Variants in EPHB6 observed in about 807,000 individuals in gnomAD.
The protein encoded by EPHB6 is EPH receptor B6, also known as ephrin type-B receptor 6.
Under a neutral mutation model 107.0 loss-of-function variants are expected in EPHB6, and 51 were observed. The observed-to-expected ratio is 0.48, with a 90% CI of 0.38 to 0.60. The LOEUF (loss-of-function observed/expected upper bound fraction) is 0.60. EPHB6 is among the 20% of genes least tolerant of loss of function. EPHB6 has a pLI of 0.00. For synonymous variants in EPHB6, 553 were observed against 549.0 expected, an observed-to-expected ratio of 1.01 and a Z score of -0.10; for missense variants, 1,141 against 1,355.5, an observed-to-expected ratio of 0.84 and a Z score of 2.48.
At chr7:142,863,091 C>A in intron 4 of EPHB6, 36 bp from the exon 5 acceptor site, 1 of 693,262 alleles carries the variant, frequency 1.4e-6, no homozygotes, top group Non-Finnish European at 2.5e-6. Flanking sequence ...ACACTTTCTT[C>A]CCACCTGCCT....
At chr7:142,860,830 G>A (rs1342613121) in intron 1 of EPHB6, among the ~76,000 whole-genome samples, 2 of 152,066 alleles carry the variant, frequency 1.3e-5, no homozygotes, top group African/African-American at 2.4e-5. Context: ...CGCAGTGCCA[G>A]AAAAAAATTA....
At chr7:142,860,978 T>C (rs1180084394) in intron 1 of EPHB6, 74 bp from the exon 2 acceptor site, 1 of 151,318 alleles carries the variant, frequency 6.6e-6, no homozygotes, top group Non-Finnish European at 1.5e-5. Context: ...TCTAATTGGC[T>C]TTTTTTTTGT....
intron 1 of EPHB6, among the ~76,000 whole-genome samples, chr7:142,858,340 TATC>T (rs1802693363): frequency 6.6e-6 from 1 of 151,076 alleles, no homozygotes; most frequent in Non-Finnish European, 1.5e-5. Flanking sequence ...CTCATGAAAA[TATC>T]ATATTTAGCA....
Position 142,869,923 on chromosome 7 carries a change from T to C in EPHB6, c.2567T>C (p.Met856Thr), listed in dbSNP as rs1382566855. Residue 856 changes from methionine (M) to threonine (T), a missense_variant, in exon 17 of 20, where the codon ATG becomes ACG. By Grantham distance (81) the Met-to-Thr change is moderately conservative (BLOSUM62 -1). Coordinates refer to ENST00000652003, the MANE Select transcript of EPHB6 (RefSeq NM_004445.6). The surrounding 1 kb of genome is among the most constrained non-coding windows in gnomAD (Gnocchi z 4.5). The part of the protein sequence containing the change: ...WSFGILMWEV[M>T]SYGERPYWDM... ...TTTGGGATACTCATGTGGGAAGTGATGAGTTATGGAGAACGGCCTTACTGG... is the reference window on the plus strand; with the variant it reads ...TTTGGGATACTCATGTGGGAAGTGACGAGTTATGGAGAACGGCCTTACTGG... The C allele has an allele frequency of 1.2e-6, 2 of 1,614,144 alleles. No individual in the cohort carries two copies. Among genetic ancestry groups the C allele is most frequent in the Admixed American group, 3.3e-5 (2 of 60,022 alleles).
intron 1 of EPHB6, among the ~76,000 whole-genome samples, chr7:142,858,423 C>CTTTTTTTTTTTTT (rs958011230): frequency 8.7e-5 from 5 of 57,580 alleles, no homozygotes; most frequent in African/African-American, 3.8e-4. Flanking sequence ...TTAAGTCATT[C>CTTTTTTTTTTTTT]TTTTTTTTTT....
chr7:142,868,683 C>A lies in EPHB6; in HGVS notation c.2230C>A (p.Pro744Thr). ...RLEGVVTKSR[P>T]LMVLTEFMEL... is the part of the protein sequence containing the mutation. ...GGAGGGCGTGGTCACCAAGAGCCGA[C>A]CCCTCATGGTGCTGACGGAGTTCAT... Residue 744 changes from proline to threonine, a missense_variant, in exon 15 of 20, where the codon CCC becomes ACC. Transcript: ENST00000652003. This position sits in a 1 kb window ranked among gnomAD's most constrained non-coding sequence, Gnocchi z 4.2. The A allele has an allele frequency of 1.2e-6, 2 of 1,613,974 alleles. No homozygotes were observed. The highest frequency in any genetic ancestry group is 1.7e-5 in the Admixed American group (1 of 60,028).
At chr7:142,863,025 T>C (rs1407163082) in intron 4 of EPHB6, 102 bp from the exon 5 acceptor site, 1 of 596,558 alleles carries the variant, frequency 1.7e-6, no homozygotes, top group Non-Finnish European at 3.0e-6. Context: ...TGGAGAGCTG[T>C]AGGAGGAGAC....
At chr7:142,856,096 A>G (rs1475532196) in intron 1 of EPHB6, among the ~76,000 whole-genome samples, 15 of 152,138 alleles carry the variant, frequency 9.9e-5, no homozygotes. Context: ...GCAATGTTGT[A>G]ATGTCCCTGG....
rs916326154 is a variant in EPHB6, at chr7:142,866,802, T to G, written c.1588-104T>G. 2.4e-5 allele frequency: 39 copies of G among 1,594,588 alleles called. No individual in the cohort carries two copies. Among genetic ancestry groups the G allele is most frequent in the Middle Eastern group, 1.7e-4 (1 of 5,832 alleles). On this transcript the variant is annotated intron_variant, in intron 10 of 19. Coordinates refer to ENST00000652003, the MANE Select transcript of EPHB6 (RefSeq NM_004445.6). This position sits in a 1 kb window ranked among gnomAD's most constrained non-coding sequence, Gnocchi z 5.2. ...GCCCAGAAGTGTGCAGCACTGGGCA[T>G]GTGTCTGAGAGCCCTGTCAACCAGG...
At chr7:142,856,683 C>G (rs749925978) in intron 1 of EPHB6, among the ~76,000 whole-genome samples, 2 of 152,134 alleles carry the variant, frequency 1.3e-5, no homozygotes, top group South Asian at 2.1e-4. Context: ...TCCCCGCCCC[C>G]CACTTGGCTC....
At position 142,864,093 on chromosome 7, in the gene EPHB6, G is replaced by A. The variant is rs763788542; in HGVS notation, c.293G>A (p.Arg98His). 43 of 1,613,910 alleles carry A rather than the reference G, an allele frequency of 2.7e-5. No homozygotes were observed. The Admixed American group carries it at 4.3e-4, about 16-fold the overall frequency. ...NWLQTHFVER[R>H]GAQRAHIRLH... is the part of the protein sequence containing the mutation. ...TTGCAGACACACTTTGTGGAGCGGCGCGGGGCCCAGAGGGCGCACATTCGA... is the reference window on the plus strand; with the variant it reads ...TTGCAGACACACTTTGTGGAGCGGCACGGGGCCCAGAGGGCGCACATTCGA... The change falls in exon 7 of 20, where the codon CGC becomes CAC. Residue 98 changes from arginine (R) to histidine (H), a missense_variant. By Grantham distance (29) the Arg-to-His change is conservative. This residue lies in a region of EPHB6 where 221 missense variants were observed against 300.5 expected (regional missense o/e 0.74). Transcript: ENST00000652003.
At chr7:142,857,555 T>C (rs1021671079) in intron 1 of EPHB6, among the ~76,000 whole-genome samples, 6 of 152,220 alleles carry the variant, frequency 3.9e-5, no homozygotes, top group African/African-American at 1.4e-4. Flanking sequence ...CACTGACCTG[T>C]GTGGCTCACA....
Position 142,863,197 on chromosome 7 carries a change from G to A in EPHB6, c.-31G>A, listed in dbSNP as rs1425699170. On this transcript the variant is annotated 5_prime_UTR_variant, in exon 5 of 20. The change creates a premature stop within an existing upstream ORF in the 5' untranslated region. Coordinates refer to ENST00000652003, the MANE Select transcript of EPHB6 (RefSeq NM_004445.6). ...CCCACCCAGGAGCAGGGTGGTGGCT[G>A]GGGCGATGGTGGACGCCCTGAAGAT... The A allele has an allele frequency of 6.3e-7, 1 of 1,598,242 alleles. No homozygotes were observed. The highest frequency in any genetic ancestry group is 1.7e-5 in the Admixed American group (1 of 59,850).
chr7:142,866,895 G>A lies in EPHB6; in HGVS notation c.1588-11G>A, dbSNP rs967409528. ...GGGGCCAGGCAGGGAGTGAGTGGCT[G>A]TTACCCCCAGGCAGAAGACGAATCC... On this transcript the variant is annotated splice_polypyrimidine_tract_variant and intron_variant, in intron 10 of 19. Transcript: ENST00000652003. The surrounding 1 kb of genome is among the most constrained non-coding windows in gnomAD (Gnocchi z 5.2). 2 of 1,613,982 alleles carry A rather than the reference G, an allele frequency of 1.2e-6. No individual in the cohort carries two copies. The highest frequency in any genetic ancestry group is 2.2e-5 in the South Asian group (2 of 91,070).
In EPHB6 at chr7:142,863,025, TAGG is replaced by T. The variant is rs1802918895; in HGVS notation, c.-101-96_-101-94del. The T allele has an allele frequency of 1.0e-5, 6 of 596,558 alleles. No individual in the cohort carries two copies. In the South Asian group the frequency reaches 1.2e-4, roughly 12 times the overall value. 37.0% of individuals were successfully genotyped at this position (596,558 alleles called of 1,614,324 possible). A position where few individuals can be genotyped will look rare whatever the true frequency, so the allele number is the denominator to read the frequency against. Reference sequence around the variant, plus strand: ...GGGTGCTGGGGCGATTGGAGAGCTGTAGGAGGAGACACAGACACGGGGTCAGCT... The same window carrying T: ...GGGTGCTGGGGCGATTGGAGAGCTGTAGGAGACACAGACACGGGGTCAGCT... On this transcript the variant is annotated intron_variant, in intron 4 of 19. Transcript: ENST00000652003.
At chr7:142,858,392 A>G (rs1279762899) in intron 1 of EPHB6, among the ~76,000 whole-genome samples, 1 of 134,748 alleles carries the variant, frequency 7.4e-6, no homozygotes, top group Non-Finnish European at 1.6e-5. Flanking sequence ...ATTCTTACCA[A>G]TTTACCAATT....
chr7:142,866,335 C>T lies in EPHB6; in HGVS notation c.1462+19C>T. The T allele has an allele frequency of 1.9e-6, 3 of 1,613,412 alleles. No homozygotes were observed. Among genetic ancestry groups the T allele is most frequent in the Non-Finnish European group, 2.5e-6 (3 of 1,179,838 alleles). On this transcript the variant is annotated intron_variant, in intron 9 of 19. Coordinates refer to ENST00000652003, the MANE Select transcript of EPHB6 (RefSeq NM_004445.6). The surrounding 1 kb of genome is among the most constrained non-coding windows in gnomAD (Gnocchi z 5.2). ...CATGAAGGTGAGCTCTTTTCCTTGG[C>T]CTTCAGGATCCCCTGCCTCCGCTCC...
intron 1 of EPHB6, among the ~76,000 whole-genome samples, chr7:142,860,592 A>G (rs7792701): frequency 0.13 from 20,018 of 152,260 alleles, 3,497 homozygotes; most frequent in African/African-American, 0.4. Context: ...GATCCTAGTA[A>G]CATTTCAGAC....
In EPHB6 at chr7:142,866,197, TG is replaced by T; in HGVS notation, c.1349del (p.Gly450AspfsTer10). On this transcript the variant is annotated frameshift_variant, in exon 9 of 20. Transcript: ENST00000652003. LOFTEE classifies it high-confidence loss of function. This position sits in a 1 kb window ranked among gnomAD's most constrained non-coding sequence, Gnocchi z 5.2. ...QRGLTESRVL[V>X]GGLRAHVPYI... is the part of the protein sequence containing the mutation. ...GGCCTGACTGAGAGCCGAGTGTTAG[TG>T]GGGGGACTCCGGGCACACGTACCCT... 2 of 1,613,958 alleles carry T rather than the reference TG, an allele frequency of 1.2e-6. No homozygotes were observed. The highest frequency in any genetic ancestry group is 8.5e-7 in the Non-Finnish European group (1 of 1,179,964).
Sources: allele counts gnomAD v4.1 joint callset (sites outside exome capture counted in the v4.1 genomes callset), GRCh38; gene constraint gnomAD v4.1.1; regional missense constraint gnomAD v4.1.1; non-coding constraint Gnocchi (gnomAD v3.1); transcripts MANE v1.5; gene names NCBI Gene and HGNC (gene_info 2026-07-23, HGNC 2026-07-21).